PRKN: variants seen among roughly 807,000 people sequenced by gnomAD.
The protein encoded by PRKN is parkin RBR E3 ubiquitin protein ligase, also known as E3 ubiquitin-protein ligase parkin.
PRKN carries 56 observed loss-of-function variants against 59.5 expected under a neutral mutation model. That is an observed-to-expected ratio of 0.94 (90% CI 0.76 to 1.18). The LOEUF (loss-of-function observed/expected upper bound fraction) is 1.18, where lower values mean the gene tolerates loss of function less well. Ranked by LOEUF, PRKN falls within the 50% of genes most tolerant of loss-of-function variation. PRKN has a pLI of 0.00. For missense variants in PRKN, 657 were observed against 596.4 expected (o/e 1.10, Z -1.06); for synonymous variants, 250 against 222.1 (o/e 1.13, Z -1.12).
intron 5 of PRKN, among the ~76,000 whole-genome samples, chr6:161,996,715 T>G (rs1333711052): frequency 1.3e-5 from 2 of 152,126 alleles, no homozygotes; most frequent in South Asian, 2.1e-4. Context: ...ACAACACTAT[T>G]CAGCATTAGT....
chr6:162,438,463 A>G (rs1328743351), intron 2 of PRKN, among the ~76,000 whole-genome samples: 1 of 151,940 alleles, frequency 6.6e-6, no homozygotes, highest in East Asian at 1.9e-4. Flanking sequence ...CTTTTAGGGT[A>G]GGTCTGCTGG....
chr6:162,044,343 C>A (rs907473528), intron 5 of PRKN, among the ~76,000 whole-genome samples: 1 of 152,178 alleles, frequency 6.6e-6, no homozygotes, highest in Admixed American at 6.5e-5. Context: ...TCAGCCATCA[C>A]CACCTCCCAG....
chr6:161,465,070 C>G (rs1790398156), intron 9 of PRKN, among the ~76,000 whole-genome samples: 1 of 152,240 alleles, frequency 6.6e-6, no homozygotes, highest in African/African-American at 2.4e-5. Flanking sequence ...CAATCACTGA[C>G]TCTTGCAGCT....
intron 2 of PRKN, among the ~76,000 whole-genome samples, chr6:162,281,845 T>C (rs573315517): frequency 4.6e-5 from 7 of 152,130 alleles, no homozygotes; most frequent in Non-Finnish European, 1.0e-4. Flanking sequence ...CAGGGAGTGG[T>C]TTTGTGGAAG....
In PRKN at chr6:162,506,980, T is replaced by C. The variant is rs148236761; in HGVS notation, c.8-63507A>G. On this transcript the variant is annotated intron_variant, in intron 1 of 11. Coordinates refer to ENST00000366898, the MANE Select transcript of PRKN (RefSeq NM_004562.3). Reference sequence around the variant, plus strand: ...AAATATTTTATATAATGAGTGAGCATAGTTATTTCAAGTAGCCTGATGGCA... The same window carrying C: ...AAATATTTTATATAATGAGTGAGCACAGTTATTTCAAGTAGCCTGATGGCA... 2.2e-3 allele frequency among the ~76,000 whole-genome samples: 338 copies of C among 152,268 alleles called. 12 individuals carry two copies. The East Asian group carries it at 0.058, about 26-fold the overall frequency.
chr6:161,583,602 A>G (rs1158069051), intron 7 of PRKN, among the ~76,000 whole-genome samples: 2 of 152,196 alleles, frequency 1.3e-5, no homozygotes, highest in Non-Finnish European at 2.9e-5. Context: ...AGAAATTAGC[A>G]ATTTTACCAC....
intron 1 of PRKN, among the ~76,000 whole-genome samples, chr6:162,645,789 C>A (rs1178722862): frequency 6.6e-6 from 1 of 152,004 alleles, no homozygotes; most frequent in South Asian, 2.1e-4. Context: ...TCAAAAGACT[C>A]CCACCAAACC....
chr6:161,519,461 C>T (rs530600199), intron 9 of PRKN, among the ~76,000 whole-genome samples: 4 of 152,090 alleles, frequency 2.6e-5, no homozygotes, highest in Admixed American at 6.6e-5. Flanking sequence ...TAACATATCT[C>T]CCTCCAAAGC....
At chr6:162,001,262 C>G (rs1052570359) in intron 5 of PRKN, among the ~76,000 whole-genome samples, 1 of 151,950 alleles carries the variant, frequency 6.6e-6, no homozygotes, top group Non-Finnish European at 1.5e-5. Context: ...ATATTGAGTC[C>G]TCCTATCCAT....
Position 161,592,421 on chromosome 6 carries a change from C to T in PRKN, c.872-23005G>A, listed in dbSNP as rs1583270498. ...ACTCTTCTGTTTATATAATGTGGGG[C>T]TAGTAGACGAAAGAATATCAATATC... On this transcript the variant is annotated intron_variant, in intron 7 of 11. Transcript: ENST00000366898. This position sits in a 1 kb window ranked among gnomAD's most constrained non-coding sequence, Gnocchi z 4.8. Among the ~76,000 whole-genome samples the T allele has an allele frequency of 1.3e-5, 2 of 152,102 alleles. No individual in the cohort carries two copies. The highest frequency in any genetic ancestry group is 1.9e-4 in the East Asian group (1 of 5,174).
intron 5 of PRKN, among the ~76,000 whole-genome samples, chr6:161,984,900 T>A (rs1040395817): frequency 6.6e-6 from 1 of 152,150 alleles, no homozygotes; most frequent in African/African-American, 2.4e-5. Flanking sequence ...GCTGGCCAGA[T>A]GAAGCAGCCC....
chr6:162,171,513 A>G (rs1562557122), intron 4 of PRKN, among the ~76,000 whole-genome samples: 1 of 152,252 alleles, frequency 6.6e-6, no homozygotes, highest in East Asian at 1.9e-4. Context: ...ACTCGTATCT[A>G]CAGTAAGAGT....
At chr6:162,089,585 C>T (rs1304322246) in intron 4 of PRKN, among the ~76,000 whole-genome samples, 1 of 152,136 alleles carries the variant, frequency 6.6e-6, no homozygotes, top group Non-Finnish European at 1.5e-5. Context: ...AAAACTCGTA[C>T]ATGATCAGTA....
intron 3 of PRKN, among the ~76,000 whole-genome samples, chr6:162,252,529 A>G (rs9365393): frequency 0.49 from 74,511 of 152,080 alleles, 21,284 homozygotes; most frequent in East Asian, 0.86. Context: ...GCATTCAGAC[A>G]TAAGAAATTT....
At chr6:162,571,357 A>G (rs1748090909) in intron 1 of PRKN, 1 of 152,072 alleles carries the variant, frequency 6.6e-6, no homozygotes, top group Non-Finnish European at 1.5e-5. Flanking sequence ...AAATGAAAAA[A>G]AGCACCTTAT....
chr6:162,483,924 CATTT>C (rs1476551822), intron 1 of PRKN, among the ~76,000 whole-genome samples: 2 of 152,180 alleles, frequency 1.3e-5, no homozygotes. Flanking sequence ...GTGTTCCATT[CATTT>C]AAGGGAATAC....
chr6:161,904,761 G>A (rs922675738), intron 6 of PRKN, among the ~76,000 whole-genome samples: 3 of 152,160 alleles, frequency 2.0e-5, no homozygotes, highest in Admixed American at 6.5e-5. Context: ...CTGGGGATGG[G>A]GGTGTGGGTC....
chr6:161,576,055 G>A lies in PRKN; in HGVS notation c.872-6639C>T, dbSNP rs748741926. 6.6e-6 allele frequency among the ~76,000 whole-genome samples: 1 copy of A among 152,166 alleles called. No individual in the cohort carries two copies. The highest frequency in any genetic ancestry group is 1.5e-5 in the Non-Finnish European group (1 of 68,036). ...TACTCCAGCTAAGCCAGGTTGATTA[G>A]GGTTGCCATACACTGTGCTGAAGTA... On this transcript the variant is annotated intron_variant, in intron 7 of 11. Coordinates refer to ENST00000366898, the MANE Select transcript of PRKN (RefSeq NM_004562.3). The surrounding 1 kb of genome is among the most constrained non-coding windows in gnomAD (Gnocchi z 4.6).
At chr6:161,787,427 C>T (rs1277747209) in intron 6 of PRKN, among the ~76,000 whole-genome samples, 1 of 152,164 alleles carries the variant, frequency 6.6e-6, no homozygotes, top group Non-Finnish European at 1.5e-5. Context: ...AACAGTCACT[C>T]GCATACACAT....
Sources: gnomAD v4.1 joint callset for allele counts (sites outside exome capture counted in the v4.1 genomes callset) on GRCh38, gnomAD v4.1.1 for gene constraint, Gnocchi (gnomAD v3.1) non-coding constraint, MANE v1.5 for transcripts, NCBI Gene and HGNC (gene_info 2026-07-23, HGNC 2026-07-21) for gene names.